The following LEPR variants were observed in gnomAD, a reference collection of about 807,000 sequenced individuals.
LEPR encodes the protein OB receptor.
LEPR carries 56 observed loss-of-function variants against 114.7 expected under a neutral mutation model. The observed-to-expected ratio is 0.49, with a 90% CI of 0.39 to 0.61. The LOEUF (loss-of-function observed/expected upper bound fraction) is 0.61, where lower values mean the gene tolerates loss of function less well. Ranked by LOEUF, LEPR falls within the 20% of genes least tolerant of loss-of-function variation. The pLI is 0.00. For synonymous variants in LEPR, 443 were observed against 461.4 expected, an observed-to-expected ratio of 0.96 and a Z score of 0.51; for missense variants, 1,202 against 1,352.9, an observed-to-expected ratio of 0.89 and a Z score of 1.75.
At chr1:65,517,095 A>G (rs151173421) in intron 2 of LEPR, among the ~76,000 whole-genome samples, 1 of 152,306 alleles carries the variant, frequency 6.6e-6, no homozygotes, top group Admixed American at 6.5e-5. Flanking sequence ...TACCTCTACC[A>G]GTTTGTTCCA....
At chr1:65,421,116 A>G (rs531165513) in intron 1 of LEPR, among the ~76,000 whole-genome samples, 29 of 152,052 alleles carry the variant, frequency 1.9e-4, no homozygotes, top group Non-Finnish European at 3.2e-4. Context: ...GCAGTTTCCT[A>G]TTTGCCACAA....
At chr1:65,451,463 A>G (rs1329349857) in intron 2 of LEPR, among the ~76,000 whole-genome samples, 1 of 151,984 alleles carries the variant, frequency 6.6e-6, no homozygotes, top group Non-Finnish European at 1.5e-5. Flanking sequence ...TATAAGGTGT[A>G]AGGAAGGGAT....
chr1:65,475,442 C>T (rs1043420561), intron 2 of LEPR, among the ~76,000 whole-genome samples: 4 of 143,494 alleles, frequency 2.8e-5, no homozygotes, highest in African/African-American at 1.2e-4. Flanking sequence ...TGAGCAGAGC[C>T]AACACAAAGC....
At chr1:65,525,145 G>A (rs924795164) in intron 2 of LEPR, among the ~76,000 whole-genome samples, 1 of 152,144 alleles carries the variant, frequency 6.6e-6, no homozygotes, top group Non-Finnish European at 1.5e-5. Flanking sequence ...AGCATCCCTG[G>A]TATCAGGAAA....
At chr1:65,476,627 A>G (rs993225388) in intron 2 of LEPR, among the ~76,000 whole-genome samples, 1 of 152,128 alleles carries the variant, frequency 6.6e-6, no homozygotes, top group African/African-American at 2.4e-5. Flanking sequence ...CAAGTTCTCC[A>G]CTAAGCCTCT....
intron 2 of LEPR, among the ~76,000 whole-genome samples, chr1:65,520,025 G>A (rs1024408150): frequency 1.3e-5 from 2 of 151,828 alleles, no homozygotes; most frequent in African/African-American, 2.4e-5. Context: ...CACCACGCCC[G>A]GCTAATTTTT....
intron 19 of LEPR, 126 bp downstream of exon 19, chr1:65,623,107 A>ATCTGTTATT: frequency 2.2e-6 from 2 of 908,274 alleles, no homozygotes; most frequent in Non-Finnish European, 3.4e-6. Flanking sequence ...ATCTTAATAT[A>ATCTGTTATT]TCTGTTATTA....
In LEPR at chr1:65,637,247, G is replaced by A. The variant is rs116819844; in HGVS notation, c.*232G>A. ...TCTATTTTATTCCCAAGCTCTAGTGGGAAGGTCCCTTGTTTCCAGCTAGAA... is the reference window on the plus strand; with the variant it reads ...TCTATTTTATTCCCAAGCTCTAGTGAGAAGGTCCCTTGTTTCCAGCTAGAA... On this transcript the variant is annotated 3_prime_UTR_variant, in exon 20 of 20. Coordinates refer to ENST00000349533, the MANE Select transcript of LEPR (RefSeq NM_002303.6). 5.7e-3 allele frequency: 2,342 copies of A among 411,574 alleles called. 44 individuals carry two copies. The highest frequency in any genetic ancestry group is 0.044 in the African/African-American group (2,164 of 49,696). The allele number at this position is 411,574 out of a possible 1,614,324, so 25.5% of individuals were successfully genotyped here.
chr1:65,600,054 C>T (rs1656341552), intron 8 of LEPR, among the ~76,000 whole-genome samples: 1 of 152,064 alleles, frequency 6.6e-6, no homozygotes, highest in Non-Finnish European at 1.5e-5. Flanking sequence ...AAGTGAAATG[C>T]TTTGAATTTT....
intron 2 of LEPR, among the ~76,000 whole-genome samples, chr1:65,496,360 C>G (rs1404436701): frequency 1.3e-5 from 2 of 152,018 alleles, no homozygotes; most frequent in African/African-American, 4.8e-5. Context: ...ATGGCTTGAG[C>G]TGAGGAGTTC....
At chr1:65,635,417 A>G (rs1189305501) in intron 19 of LEPR, 2 of 965,282 alleles carry the variant, frequency 2.1e-6, no homozygotes, top group African/African-American at 3.5e-5. Context: ...TCTATAAAAA[A>G]TATGATGTAC....
At chr1:65,522,731 C>G (rs1322787140) in intron 2 of LEPR, among the ~76,000 whole-genome samples, 4 of 152,162 alleles carry the variant, frequency 2.6e-5, no homozygotes, top group South Asian at 2.1e-4. Flanking sequence ...TCATTGTTCC[C>G]AGCAGGATCT....
intron 2 of LEPR, among the ~76,000 whole-genome samples, chr1:65,481,293 T>C (rs1443672709): frequency 6.6e-6 from 1 of 152,222 alleles, no homozygotes; most frequent in Non-Finnish European, 1.5e-5. Context: ...ATTAAGACTT[T>C]ATATGAATTT....
intron 2 of LEPR, among the ~76,000 whole-genome samples, chr1:65,542,125 G>T (rs1269962150): frequency 6.6e-6 from 1 of 151,996 alleles, no homozygotes; most frequent in Middle Eastern, 3.2e-3. Flanking sequence ...TGCTTACTGT[G>T]CTGGGCATAT....
chr1:65,596,323 T>A, intron 6 of LEPR, 125 bp from the exon 7 acceptor site: 1 of 1,197,024 alleles, frequency 8.4e-7, no homozygotes, highest in East Asian at 2.6e-5. Flanking sequence ...AGTCCTTGGA[T>A]AAAGTCACCT....
At chr1:65,537,319 C>T (rs1038284833) in intron 2 of LEPR, among the ~76,000 whole-genome samples, 10 of 152,230 alleles carry the variant, frequency 6.6e-5, no homozygotes, top group African/African-American at 2.4e-4. Flanking sequence ...AAAAAACTTA[C>T]TTATGTATAA....
At chr1:65,575,457 TA>T (rs3838396) in intron 5 of LEPR, among the ~76,000 whole-genome samples, 43,422 of 149,782 alleles carry the variant, frequency 0.29, 7,598 homozygotes, top group East Asian at 0.83. Flanking sequence ...AACTATACTT[TA>T]AAAAAAAAAT....
intron 2 of LEPR, among the ~76,000 whole-genome samples, chr1:65,533,137 C>T (rs562972253): frequency 1.6e-3 from 244 of 152,242 alleles, no homozygotes; most frequent in Non-Finnish European, 2.8e-3. Flanking sequence ...TGAAAAACAT[C>T]TAACAAGATG....
chr1:65,628,509 C>T (rs1056790924), intron 19 of LEPR, among the ~76,000 whole-genome samples: 1 of 152,130 alleles, frequency 6.6e-6, no homozygotes, highest in African/African-American at 2.4e-5. Context: ...GTATCCATGA[C>T]CAATGAAGAG....
Sources: gnomAD v4.1 joint callset for allele counts (sites outside exome capture counted in the v4.1 genomes callset) on GRCh38, gnomAD v4.1.1 for gene constraint, MANE v1.5 for transcripts, NCBI Gene and HGNC (gene_info 2026-07-23, HGNC 2026-07-21) for gene names.